TMEM74: variants seen among roughly 807,000 people sequenced by gnomAD.
The protein encoded by TMEM74 is transmembrane protein 74.
A neutral mutation model predicts 18.1 loss-of-function variants in TMEM74; 13 were observed. The observed-to-expected ratio is 0.72, with a 90% CI of 0.47 to 1.14. The LOEUF (loss-of-function observed/expected upper bound fraction) is 1.14. TMEM74 is among the 50% of genes most tolerant of loss of function. The pLI is 0.00. For missense variants in TMEM74, 372 were observed against 375.9 expected (o/e 0.99, Z 0.09); for synonymous variants, 159 against 146.6 (o/e 1.08, Z -0.61).
At chr8:108,675,882 T>C (rs567552087) in intron 1 of TMEM74, among the ~76,000 whole-genome samples, 1 of 152,314 alleles carries the variant, frequency 6.6e-6, no homozygotes, top group Admixed American at 6.5e-5. Flanking sequence ...CCATGTAATA[T>C]TGAAGATAGT....
At chr8:108,775,859 C>A (rs1323224819), downstream of TMEM74, among the ~76,000 whole-genome samples, 1 of 152,194 alleles carries the variant, frequency 6.6e-6, no homozygotes, top group African/African-American at 2.4e-5. Flanking sequence ...CCTGGTTTCC[C>A]TCCTATGGAT....
At chr8:108,662,637 AG>A (rs1812911825) in intron 1 of TMEM74, among the ~76,000 whole-genome samples, 1 of 152,142 alleles carries the variant, frequency 6.6e-6, no homozygotes, top group African/African-American at 2.4e-5. Context: ...AGTGGTAAGC[AG>A]TGATGAGATT....
intron 2 of TMEM74, among the ~76,000 whole-genome samples, chr8:108,613,717 C>A (rs186147895): frequency 6.6e-6 from 1 of 152,196 alleles, no homozygotes; most frequent in African/African-American, 2.4e-5. Context: ...AATTCACTTT[C>A]AAAGTCCAAA....
chr8:108,639,364 T>C (rs1321739428), intron 2 of TMEM74, among the ~76,000 whole-genome samples: 1 of 152,094 alleles, frequency 6.6e-6, no homozygotes, highest in Non-Finnish European at 1.5e-5. Flanking sequence ...CTTAACCACA[T>C]GCAATCAAAC....
chr8:108,706,776 G>GGTGTGTGTGTGT (rs3049749), intron 1 of TMEM74, among the ~76,000 whole-genome samples: 3,240 of 144,928 alleles, frequency 0.022, 72 homozygotes, highest in South Asian at 0.048. Flanking sequence ...AATTACAAGG[G>GGTGTGTGTGTGT]GTGTGTGTGT....
chr8:108,703,874 C>G (rs1423090753), intron 1 of TMEM74, among the ~76,000 whole-genome samples: 2 of 152,208 alleles, frequency 1.3e-5, no homozygotes, highest in Non-Finnish European at 2.9e-5. Flanking sequence ...GTACTCATAC[C>G]AAACTCAAGA....
At position 108,616,109 on chromosome 8, in the gene TMEM74, A is replaced by G. The variant is rs528970606; in HGVS notation, n.265-7283T>C. On this transcript the variant is annotated intron_variant and non_coding_transcript_variant, in intron 2 of 3. Transcript: ENST00000518838. ...CTGGATAGGAGCTTCTTTTGAAAGT[A>G]GACATGATCTTAGGCAAAGCGTGTT... Among the ~76,000 whole-genome samples the G allele has an allele frequency of 3.3e-5, 5 of 152,194 alleles. No homozygotes were observed. In the East Asian group the frequency reaches 9.7e-4, roughly 30 times the overall value.
intron 1 of TMEM74, among the ~76,000 whole-genome samples, chr8:108,692,493 T>C (rs552133219): frequency 1.3e-5 from 2 of 152,290 alleles, no homozygotes; most frequent in African/African-American, 4.8e-5. Flanking sequence ...TTTTGCTATT[T>C]CTGGATGATC....
At chr8:108,624,992 G>A (rs1225625930) in intron 2 of TMEM74, among the ~76,000 whole-genome samples, 2 of 152,046 alleles carry the variant, frequency 1.3e-5, no homozygotes, top group African/African-American at 4.8e-5. Flanking sequence ...AACCTATTTA[G>A]TATATTTGAA....
chr8:108,687,341 A>G (rs1244897655), intron 1 of TMEM74, among the ~76,000 whole-genome samples: 1 of 113,972 alleles, frequency 8.8e-6, no homozygotes, highest in Non-Finnish European at 1.7e-5. Flanking sequence ...CAACAAAGTT[A>G]AAAAACAAGC....
intron 1 of TMEM74, among the ~76,000 whole-genome samples, chr8:108,679,141 C>T (rs1813087108): frequency 2.0e-5 from 3 of 152,090 alleles, no homozygotes; most frequent in Admixed American, 2.0e-4. Flanking sequence ...TTAATCCAGT[C>T]TATTGTTGTT....
chr8:108,631,960 T>C (rs1213449133), intron 2 of TMEM74, among the ~76,000 whole-genome samples: 1 of 152,036 alleles, frequency 6.6e-6, no homozygotes, highest in Non-Finnish European at 1.5e-5. Context: ...AAGTCAGGCA[T>C]TGTGCCCAAT....
intron 1 of TMEM74, among the ~76,000 whole-genome samples, chr8:108,687,621 C>T (rs952975400): frequency 2.0e-5 from 3 of 152,060 alleles, no homozygotes; most frequent in Non-Finnish European, 4.4e-5. Context: ...TTTTCTGCAA[C>T]TAGATGGTCC....
intron 1 of TMEM74, among the ~76,000 whole-genome samples, chr8:108,663,903 G>T: frequency 6.6e-6 from 1 of 152,114 alleles, no homozygotes; most frequent in East Asian, 1.9e-4. Context: ...AGTGGGAGCT[G>T]AACAATGAGA....
At chr8:108,657,859 A>ATATATAT (rs1449112150) in intron 1 of TMEM74, among the ~76,000 whole-genome samples, 2 of 49,872 alleles carry the variant, frequency 4.0e-5, no homozygotes, top group African/African-American at 8.1e-5. Flanking sequence ...AAAAAAAAAA[A>ATATATAT]ATATATATAT....
intron 1 of TMEM74, among the ~76,000 whole-genome samples, chr8:108,743,176 A>T (rs1045195871): frequency 2.6e-5 from 4 of 152,206 alleles, no homozygotes; most frequent in Non-Finnish European, 4.4e-5. Flanking sequence ...GGTTTTTCTC[A>T]GTTGAAACAA....
At chr8:108,727,313 A>T (rs530101997) in intron 1 of TMEM74, among the ~76,000 whole-genome samples, 2 of 152,302 alleles carry the variant, frequency 1.3e-5, no homozygotes, top group African/African-American at 4.8e-5. Context: ...GAAAACAGGA[A>T]TCCACTAGGG....
chr8:108,748,703 G>A (rs748591590), intron 1 of TMEM74, among the ~76,000 whole-genome samples: 2 of 148,220 alleles, frequency 1.3e-5, no homozygotes, highest in Non-Finnish European at 3.0e-5. Context: ...TTTTTAATAG[G>A]TTTTTTCTTT....
chr8:108,756,745 AAGGG>A (rs549009701), intron 1 of TMEM74, among the ~76,000 whole-genome samples: 40,646 of 110,776 alleles, frequency 0.37, 8,458 homozygotes, highest in East Asian at 0.43. Flanking sequence ...AGAAAGAAAG[AAGGG>A]AGGGAGGGAG....
Sources: allele counts gnomAD v4.1 joint callset (sites outside exome capture counted in the v4.1 genomes callset), GRCh38; gene constraint gnomAD v4.1.1; transcripts MANE v1.5; gene names NCBI Gene and HGNC (gene_info 2026-07-23, HGNC 2026-07-21).